The following LRRIQ1 variants were observed in gnomAD, a reference collection of about 807,000 sequenced individuals.
LRRIQ1 encodes the protein leucine-rich repeat- and IQ domain-containing protein 1.
Under a neutral mutation model 211.9 loss-of-function variants are expected in LRRIQ1, and 210 were observed. The ratio of observed to expected loss-of-function variants is 0.99; its 90% confidence interval spans 0.89 to 1.11. LRRIQ1 has a LOEUF of 1.11. LRRIQ1 is among the 50% of genes most tolerant of loss of function. The pLI, the probability that LRRIQ1 is intolerant of heterozygous loss-of-function variation, is 0.00. For missense variants in LRRIQ1, 2,136 were observed against 1,939.5 expected (o/e 1.10, Z -1.90); for synonymous variants, 699 against 650.1 (o/e 1.08, Z -1.14).
intron 1 of LRRIQ1, among the ~76,000 whole-genome samples, chr12:85,037,150 ATATAT>A (rs1457821065): frequency 4.7e-5 from 7 of 150,208 alleles, no homozygotes; most frequent in African/African-American, 7.3e-5. Flanking sequence ...GTTAAATAAA[ATATAT>A]TATAAAAATT....
chr12:85,072,128 A>C (rs1329928540), intron 10 of LRRIQ1, among the ~76,000 whole-genome samples: 1 of 151,984 alleles, frequency 6.6e-6, no homozygotes, highest in Non-Finnish European at 1.5e-5. Flanking sequence ...CCTCTGAGCA[A>C]TGCTTATTCT....
chr12:85,153,683 C>T lies in LRRIQ1; in HGVS notation c.4562C>T (p.Ser1521Phe). Residue 1521 changes from serine to phenylalanine, a missense_variant, in exon 22 of 27, where the codon TCC becomes TTC. Ser to Phe is a radical substitution (Grantham distance 155, BLOSUM62 -2). Coordinates refer to ENST00000393217, the MANE Select transcript of LRRIQ1 (RefSeq NM_001079910.2). ...FNSRSENKTS[S>F]WTPESKTSRK... The stretch of plus-strand genomic sequence containing the variant: ...GCCAGATCAGAAAATAAAACTTCTT[C>T]CTGGACACCTGAATCAAAGACCAGT... 6.3e-7 allele frequency: 1 copy of T among 1,581,250 alleles called. No homozygotes were observed. The highest frequency in any genetic ancestry group is 8.6e-7 in the Non-Finnish European group (1 of 1,166,996).
rs1010959025 is a variant in LRRIQ1 at position 85,262,970 on chromosome 12, TA to T, written c.183del (p.Glu62AsnfsTer30). ...CAATAATAACAAATACAAGACCTTC[TA>T]AAAAAGAACGTATATCATTCCGAGA... On this transcript the variant is annotated frameshift_variant, in exon 2 of 2. Transcript: ENST00000602731. LOFTEE classifies it high-confidence loss of function. The T allele has an allele frequency of 7.2e-5, 71 of 987,420 alleles. No individual in the cohort carries two copies. In the Middle Eastern group the frequency reaches 2.0e-3, roughly 27 times the overall value. 61.2% of individuals were successfully genotyped at this position (987,420 alleles called of 1,614,324 possible). A position where few individuals can be genotyped will look rare whatever the true frequency, so the allele number is the denominator to read the frequency against.
chr12:85,138,019 G>A (rs755176102), intron 19 of LRRIQ1, 50 bp downstream of exon 19: 2 of 1,066,500 alleles, frequency 1.9e-6, no homozygotes, highest in East Asian at 2.5e-5. Flanking sequence ...TACATTAAGT[G>A]TACTATTTTG....
chr12:85,129,297 T>C (rs138596884), intron 18 of LRRIQ1, among the ~76,000 whole-genome samples: 2 of 152,282 alleles, frequency 1.3e-5, no homozygotes, highest in African/African-American at 4.8e-5. Flanking sequence ...GGAATTTATA[T>C]CCTGGTGGAG....
intron 7 of LRRIQ1, among the ~76,000 whole-genome samples, chr12:85,053,644 G>T (rs1462514403): frequency 2.0e-5 from 3 of 152,112 alleles, no homozygotes; most frequent in Admixed American, 2.0e-4. Flanking sequence ...TTAAATAGTT[G>T]TCAAAAAACA....
rs148942510 is a variant in LRRIQ1 at position 85,167,212 on chromosome 12, T to C, written c.4822+6498T>C. Among the ~76,000 whole-genome samples, 62 of 152,330 alleles carry C rather than the reference T, an allele frequency of 4.1e-4. 1 individual carries two copies. Among genetic ancestry groups the C allele is most frequent in the African/African-American group, 1.3e-3 (56 of 41,582 alleles). ...AGTTTAGAACACCACTCACTGTGTGTCCTGAATAAACTTTTATATGCCATA... is the reference window on the plus strand; with the variant it reads ...AGTTTAGAACACCACTCACTGTGTGCCCTGAATAAACTTTTATATGCCATA... On this transcript the variant is annotated intron_variant, in intron 24 of 26. Transcript: ENST00000393217.
At chr12:85,090,232 G>C (rs1385762496) in intron 11 of LRRIQ1, among the ~76,000 whole-genome samples, 1 of 152,218 alleles carries the variant, frequency 6.6e-6, no homozygotes, top group Non-Finnish European at 1.5e-5. Context: ...AAAACCCTGG[G>C]GGTCCAGGCA....
chr12:85,218,377 T>C (rs1453334977), intron 24 of LRRIQ1, among the ~76,000 whole-genome samples: 2 of 152,046 alleles, frequency 1.3e-5, no homozygotes, highest in Non-Finnish European at 2.9e-5. Context: ...ATTAAGGCTA[T>C]GCATGATGGA....
At chr12:85,195,601 A>G (rs1003940410) in intron 24 of LRRIQ1, among the ~76,000 whole-genome samples, 1 of 152,006 alleles carries the variant, frequency 6.6e-6, no homozygotes, top group African/African-American at 2.4e-5. Context: ...TAGATGCAGA[A>G]AAAGCCTTTG....
intron 24 of LRRIQ1, among the ~76,000 whole-genome samples, chr12:85,198,299 A>T (rs1208150331): frequency 6.7e-6 from 1 of 148,918 alleles, no homozygotes; most frequent in Non-Finnish European, 1.5e-5. Context: ...TATGGTTCTC[A>T]TTTATATTTC....
chr12:85,151,144 T>A (rs1447231403), intron 19 of LRRIQ1, among the ~76,000 whole-genome samples: 2 of 151,552 alleles, frequency 1.3e-5, no homozygotes, highest in African/African-American at 2.4e-5. Flanking sequence ...TATATATATA[T>A]ATGTATATGT....
intron 11 of LRRIQ1, among the ~76,000 whole-genome samples, chr12:85,097,259 C>A (rs1885959240): frequency 6.6e-6 from 1 of 152,028 alleles, no homozygotes; most frequent in Non-Finnish European, 1.5e-5. Context: ...ACCGGGAGGC[C>A]CCAGGGAACT....
chr12:85,184,830 A>G (rs1252433152), intron 24 of LRRIQ1, among the ~76,000 whole-genome samples: 1 of 151,986 alleles, frequency 6.6e-6, no homozygotes, highest in Non-Finnish European at 1.5e-5. Context: ...CATACGTTTG[A>G]TACTTTTTCT....
intron 24 of LRRIQ1, among the ~76,000 whole-genome samples, chr12:85,166,146 C>T (rs527537765): frequency 6.6e-6 from 1 of 152,286 alleles, no homozygotes; most frequent in East Asian, 1.9e-4. Flanking sequence ...TCTACTGAAA[C>T]TTCTAAATTT....
intron 18 of LRRIQ1, among the ~76,000 whole-genome samples, chr12:85,129,917 C>T (rs893464416): frequency 1.3e-5 from 2 of 152,098 alleles, no homozygotes; most frequent in East Asian, 1.9e-4. Flanking sequence ...AACGTCAGCA[C>T]GGACCCGAGT....
chr12:85,079,777 G>C (rs1884074241), intron 11 of LRRIQ1, among the ~76,000 whole-genome samples: 1 of 150,800 alleles, frequency 6.6e-6, no homozygotes, highest in Non-Finnish European at 1.5e-5. Context: ...TTTTCTTTTT[G>C]CCCTTATTTG....
intron 10 of LRRIQ1, 103 bp downstream of exon 10, chr12:85,067,001 T>A (rs1170609618): frequency 3.5e-6 from 2 of 563,912 alleles, no homozygotes; most frequent in Non-Finnish European, 5.6e-6. Flanking sequence ...AATCTGCATA[T>A]TTTATTTATG....
intron 11 of LRRIQ1, among the ~76,000 whole-genome samples, chr12:85,080,645 AG>A (rs1030953639): frequency 1.1e-4 from 17 of 149,930 alleles, no homozygotes; most frequent in Non-Finnish European, 1.9e-4. Flanking sequence ...CAGTTGTTGT[AG>A]TTTTTGGTTT....
Sources: allele counts gnomAD v4.1 joint callset (sites outside exome capture counted in the v4.1 genomes callset), GRCh38; gene constraint gnomAD v4.1.1; transcripts MANE v1.5; gene names NCBI Gene and HGNC (gene_info 2026-07-23, HGNC 2026-07-21).